The following MYO3B variants were observed in gnomAD, a reference collection of about 807,000 sequenced individuals.
MYO3B encodes the protein myosin IIIB.
MYO3B carries 156 observed loss-of-function variants against 174.6 expected under a neutral mutation model. That is an observed-to-expected ratio of 0.89 (90% CI 0.78 to 1.02). The LOEUF (loss-of-function observed/expected upper bound fraction) is 1.02. Among genes scored for constraint, MYO3B ranks in the 50% least tolerant of loss-of-function variants. The pLI, the probability that MYO3B is intolerant of heterozygous loss-of-function variation, is 0.00. For synonymous variants in MYO3B, 563 were observed against 569.1 expected (o/e 0.99, Z 0.15); for missense variants, 1,632 against 1,639.4 (o/e 1.00, Z 0.08).
At chr2:170,434,806 G>A (rs914787920) in intron 22 of MYO3B, among the ~76,000 whole-genome samples, 3 of 152,190 alleles carry the variant, frequency 2.0e-5, no homozygotes, top group South Asian at 2.1e-4. Flanking sequence ...GACCACAGGC[G>A]TGGCACCACG....
In MYO3B at chr2:170,378,588, A is replaced by G. The variant is rs565789011; in HGVS notation, c.972-3428A>G. On this transcript the variant is annotated intron_variant, in intron 9 of 34. Coordinates refer to ENST00000408978, the MANE Select transcript of MYO3B (RefSeq NM_138995.5). ...GCTCAGATTTGCAGACAACATCTGC[A>G]TGATTCTTGGAAGTTATATCTGTGA... is the stretch of plus-strand genomic sequence containing the variant. Among the ~76,000 whole-genome samples the G allele has an allele frequency of 2.0e-5, 3 of 152,356 alleles. No homozygotes were observed. In the South Asian group the frequency reaches 6.2e-4, roughly 32 times the overall value.
chr2:170,210,602 G>C (rs1330704756), intron 3 of MYO3B, among the ~76,000 whole-genome samples: 2 of 152,196 alleles, frequency 1.3e-5, no homozygotes, highest in South Asian at 4.1e-4. Flanking sequence ...CTTACTAATT[G>C]TCAAGCTGGC....
intron 32 of MYO3B, among the ~76,000 whole-genome samples, chr2:170,621,752 T>A (rs946672462): frequency 6.6e-6 from 1 of 152,070 alleles, no homozygotes; most frequent in African/African-American, 2.4e-5. Flanking sequence ...CCTCAAATGA[T>A]CCACCCGCCT....
chr2:170,460,069 C>A (rs928040252), intron 23 of MYO3B, among the ~76,000 whole-genome samples: 7 of 152,118 alleles, frequency 4.6e-5, no homozygotes, highest in Non-Finnish European at 7.3e-5. Flanking sequence ...GAGAGGGGCT[C>A]CCACAGTGCA....
intron 8 of MYO3B, among the ~76,000 whole-genome samples, chr2:170,343,029 T>C (rs1234041435): frequency 1.0e-5 from 1 of 100,208 alleles, no homozygotes; most frequent in Non-Finnish European, 2.1e-5. Context: ...TTCGGGCCTC[T>C]AACACACACA....
chr2:170,506,608 T>C (rs1687636608), intron 28 of MYO3B, among the ~76,000 whole-genome samples: 1 of 152,258 alleles, frequency 6.6e-6, no homozygotes, highest in Non-Finnish European at 1.5e-5. Flanking sequence ...AAATATGCTT[T>C]CCCTCAAAGG....
intron 1 of MYO3B, among the ~76,000 whole-genome samples, chr2:170,186,558 A>G (rs938427902): frequency 2.0e-5 from 3 of 152,190 alleles, no homozygotes; most frequent in African/African-American, 4.8e-5. Flanking sequence ...TTCTACATTC[A>G]TCAGGAATAT....
chr2:170,326,440 G>A (rs2093868311), intron 7 of MYO3B, among the ~76,000 whole-genome samples: 1 of 152,198 alleles, frequency 6.6e-6, no homozygotes, highest in Non-Finnish European at 1.5e-5. Flanking sequence ...CCTGGGGCAA[G>A]GTCTACTTCC....
intron 22 of MYO3B, among the ~76,000 whole-genome samples, chr2:170,410,219 CAATT>C (rs1403389141): frequency 6.6e-6 from 1 of 152,096 alleles, no homozygotes; most frequent in Non-Finnish European, 1.5e-5. Flanking sequence ...ATATTATGGT[CAATT>C]ACTTTACAAA....
At chr2:170,464,776 A>C (rs1263396079) in intron 24 of MYO3B, among the ~76,000 whole-genome samples, 1 of 152,034 alleles carries the variant, frequency 6.6e-6, no homozygotes, top group African/African-American at 2.4e-5. Flanking sequence ...ATTGAGACAC[A>C]CCTGGTCCTA....
At chr2:170,295,260 C>T (rs1257296661) in intron 7 of MYO3B, among the ~76,000 whole-genome samples, 1 of 151,644 alleles carries the variant, frequency 6.6e-6, no homozygotes, top group East Asian at 1.9e-4. Context: ...TCTGTTTATA[C>T]TCATTATTTC....
chr2:170,587,836 A>C (rs1384155516), intron 32 of MYO3B, among the ~76,000 whole-genome samples: 2 of 152,250 alleles, frequency 1.3e-5, no homozygotes, highest in African/African-American at 4.8e-5. Context: ...AAAAGTGAGC[A>C]CTGAATCTGT....
At chr2:170,485,573 T>C (rs750846919) in intron 25 of MYO3B, among the ~76,000 whole-genome samples, 2 of 152,180 alleles carry the variant, frequency 1.3e-5, no homozygotes, top group Non-Finnish European at 2.9e-5. Context: ...TCTAACAAAA[T>C]TCCTTTCAAC....
intron 14 of MYO3B, among the ~76,000 whole-genome samples, chr2:170,390,645 G>C (rs2094405372): frequency 6.6e-6 from 1 of 152,156 alleles, no homozygotes; most frequent in Non-Finnish European, 1.5e-5. Context: ...ATGGAGCTAG[G>C]TTGACCAAAG....
intron 8 of MYO3B, among the ~76,000 whole-genome samples, chr2:170,346,868 T>G (rs923297960): frequency 6.6e-6 from 1 of 152,236 alleles, no homozygotes; most frequent in Non-Finnish European, 1.5e-5. Flanking sequence ...AGGAGGATTC[T>G]GACACTGCAT....
intron 23 of MYO3B, among the ~76,000 whole-genome samples, chr2:170,459,662 G>C (rs562936562): frequency 1.6e-3 from 244 of 152,322 alleles, no homozygotes; most frequent in Non-Finnish European, 2.8e-3. Flanking sequence ...CATGGGACCG[G>C]GCGCCATGGA....
intron 7 of MYO3B, among the ~76,000 whole-genome samples, chr2:170,295,895 G>A (rs2093625801): frequency 6.6e-6 from 1 of 152,026 alleles, no homozygotes; most frequent in Admixed American, 6.6e-5. Flanking sequence ...TAAAGTGCTG[G>A]CTATCTTCTC....
At chr2:170,571,323 A>C (rs1012264093) in intron 32 of MYO3B, among the ~76,000 whole-genome samples, 1 of 152,200 alleles carries the variant, frequency 6.6e-6, no homozygotes, top group Admixed American at 6.5e-5. Context: ...CGCATTTAAC[A>C]TGGACCTAGA....
At chr2:170,258,253 A>G (rs1004404883) in intron 7 of MYO3B, among the ~76,000 whole-genome samples, 1 of 151,926 alleles carries the variant, frequency 6.6e-6, no homozygotes, top group East Asian at 1.9e-4. Flanking sequence ...CCAATGAGAC[A>G]GTGAAAAAAG....
Sources: allele counts gnomAD v4.1 joint callset (sites outside exome capture counted in the v4.1 genomes callset), GRCh38; gene constraint gnomAD v4.1.1; transcripts MANE v1.5; gene names NCBI Gene and HGNC (gene_info 2026-07-23, HGNC 2026-07-21).